DRC11L: variants seen among roughly 807,000 people sequenced by gnomAD.
DRC11L encodes dynein regulatory complex subunit 11 like.
the DRC11L span, chr7:151,204,714 G>C: frequency 7.5e-6 from 3 of 399,046 alleles, no homozygotes; most frequent in Non-Finnish European, 1.3e-5. Flanking sequence ...CAGGTAGAGC[G>C]ATGCGAGCCT....
chr7:151,199,067 G>C, the DRC11L span: 1 of 398,486 alleles, frequency 2.5e-6, no homozygotes, highest in African/African-American at 2.1e-5. This position sits in a 1 kb window ranked among gnomAD's most constrained non-coding sequence, Gnocchi z 5.2. Flanking sequence ...CAGTCTGGAT[G>C]CAGCCCCCAG....
At chr7:151,194,340 T>TG in the DRC11L span, 222 of 398,580 alleles carry the variant, frequency 5.6e-4, 2 homozygotes, top group African/African-American at 4.2e-3. Flanking sequence ...AAACTCAGAG[T>TG]GGATCCAAGA....
the DRC11L span, among the ~76,000 whole-genome samples, chr7:151,195,250 C>T: frequency 2.0e-5 from 3 of 152,228 alleles, no homozygotes; most frequent in East Asian, 1.9e-4. Context: ...TTGATCCCCA[C>T]GGCTATCACC....
At chr7:151,201,572 T>C in the DRC11L span, among the ~76,000 whole-genome samples, 1 of 152,242 alleles carries the variant, frequency 6.6e-6, no homozygotes, top group Admixed American at 6.5e-5. The surrounding 1 kb of genome is among the most constrained non-coding windows in gnomAD (Gnocchi z 4.1). Flanking sequence ...TTGCAGATGA[T>C]ATATCTTCAT....
chr7:151,197,203 AC>A, the DRC11L span: 1 of 397,890 alleles, frequency 2.5e-6, no homozygotes, highest in African/African-American at 2.1e-5. Context: ...GAGGTATCTT[AC>A]CCCCTTCTTG....
chr7:151,202,879 C>G, the DRC11L span: 2 of 399,650 alleles, frequency 5.0e-6, no homozygotes, highest in East Asian at 7.1e-5. Context: ...GGTGACTCTA[C>G]CCTGACCCTC....
the DRC11L span, chr7:151,203,153 G>A: frequency 2.5e-6 from 1 of 398,860 alleles, no homozygotes; most frequent in Non-Finnish European, 4.4e-6. Flanking sequence ...TGCATCCAGG[G>A]TGGGCCGCTG....
the DRC11L span, among the ~76,000 whole-genome samples, chr7:151,194,033 G>C: frequency 1.1e-4 from 16 of 152,118 alleles, no homozygotes; most frequent in African/African-American, 3.4e-4. Context: ...ATTGAGTAAG[G>C]GGCTGGCAGC....
chr7:151,196,696 G>T, the DRC11L span: 4 of 398,070 alleles, frequency 1.0e-5, no homozygotes, highest in South Asian at 1.4e-4. Context: ...GGCCCTGGCT[G>T]GTTGCCTTGT....
At chr7:151,202,155 G>T in the DRC11L span, among the ~76,000 whole-genome samples, 1 of 152,184 alleles carries the variant, frequency 6.6e-6, no homozygotes, top group Non-Finnish European at 1.5e-5. Flanking sequence ...GTTAAAAGGT[G>T]ACCCAGAAGG....
chr7:151,196,519 T>C, the DRC11L span: 63 of 399,590 alleles, frequency 1.6e-4, no homozygotes, highest in Non-Finnish European at 2.6e-4. Context: ...TAATTCTGAC[T>C]GGGGTGTATG....
chr7:151,200,334 G>T, the DRC11L span: 1 of 399,352 alleles, frequency 2.5e-6, no homozygotes, highest in Non-Finnish European at 4.4e-6. Context: ...GCCCTGCCCT[G>T]GCCAGCCCTG....
At chr7:151,199,514 C>A in the DRC11L span, among the ~76,000 whole-genome samples, 1 of 152,236 alleles carries the variant, frequency 6.6e-6, no homozygotes. The surrounding 1 kb of genome is among the most constrained non-coding windows in gnomAD (Gnocchi z 5.2). Context: ...AAGCCAACCC[C>A]TGCCTCTTTC....
the DRC11L span, among the ~76,000 whole-genome samples, chr7:151,204,128 C>T: frequency 1.3e-5 from 2 of 152,138 alleles, no homozygotes; most frequent in East Asian, 3.9e-4. Context: ...TTTGAGGAGG[C>T]TCTAAAGGAC....
chr7:151,197,362 T>A, the DRC11L span: 26 of 399,030 alleles, frequency 6.5e-5, no homozygotes, highest in Non-Finnish European at 1.1e-4. Context: ...TCAGAGAAGA[T>A]CAAGGGGATT....
At chr7:151,200,580 C>A in the DRC11L span, 56 of 397,344 alleles carry the variant, frequency 1.4e-4, no homozygotes, top group Non-Finnish European at 2.4e-4. Flanking sequence ...TGGGGAGGAG[C>A]CCTGGGCAAG....
chr7:151,196,371 A>G, the DRC11L span: 8 of 398,808 alleles, frequency 2.0e-5, no homozygotes, highest in Admixed American at 8.8e-5. Context: ...AGGAGCCTGA[A>G]TCTGGCTGGA....
the DRC11L span, among the ~76,000 whole-genome samples, chr7:151,201,040 G>A: frequency 6.6e-6 from 1 of 152,206 alleles, no homozygotes; most frequent in African/African-American, 2.4e-5. The surrounding 1 kb of genome is among the most constrained non-coding windows in gnomAD (Gnocchi z 4.1). Flanking sequence ...TCTGTGCAGA[G>A]CTGGACGCGT....
chr7:151,198,806 G>C, the DRC11L span: 1 of 398,990 alleles, frequency 2.5e-6, no homozygotes, highest in East Asian at 3.6e-5. Flanking sequence ...ACTGGCACTC[G>C]ATAAACCACT....
Sources: allele counts gnomAD v4.1 joint callset (sites outside exome capture counted in the v4.1 genomes callset), GRCh38; gene constraint gnomAD v4.1.1; non-coding constraint Gnocchi (gnomAD v3.1); transcripts MANE v1.5; gene names NCBI Gene and HGNC (gene_info 2026-07-23, HGNC 2026-07-21).